Variants in SPAG9 observed in about 807,000 individuals in gnomAD.
SPAG9 encodes sperm associated antigen 9, also known as C-Jun-amino-terminal kinase-interacting protein 4.
In SPAG9, 35 loss-of-function variants were observed where a neutral mutation model predicts 166.5. The ratio of observed to expected loss-of-function variants is 0.21; its 90% CI spans 0.16 to 0.28. The LOEUF (loss-of-function observed/expected upper bound fraction) is 0.28. SPAG9 is among the 10% of genes least tolerant of loss of function. SPAG9 has a pLI of 1.00. For missense variants in SPAG9, 1,235 were observed against 1,603.3 expected (o/e 0.77, Z 3.92); for synonymous variants, 534 against 565.5 (o/e 0.94, Z 0.79).
chr17:51,090,994 T>C (rs2048448400), intron 1 of SPAG9, among the ~76,000 whole-genome samples: 1 of 152,108 alleles, frequency 6.6e-6, no homozygotes, highest in Non-Finnish European at 1.5e-5. Context: ...GCACGGTGGC[T>C]CATGCTTGTA....
chr17:51,060,507 A>T (rs1335181047), intron 2 of SPAG9, among the ~76,000 whole-genome samples: 20 of 89,728 alleles, frequency 2.2e-4, no homozygotes, highest in African/African-American at 1.5e-3. Context: ...TGTCTTTTTA[A>T]AAAAAAAAAA....
intron 5 of SPAG9, among the ~76,000 whole-genome samples, chr17:51,037,507 G>C (rs2046635219): frequency 6.6e-6 from 1 of 150,838 alleles, no homozygotes; most frequent in Admixed American, 6.6e-5. Context: ...CAGCTACTTG[G>C]AAGGCTGAGG....
At chr17:51,118,887 A>C (rs984318420) in intron 1 of SPAG9, among the ~76,000 whole-genome samples, 65 of 152,096 alleles carry the variant, frequency 4.3e-4, no homozygotes, top group Non-Finnish European at 9.3e-4. Flanking sequence ...CTGTCTCTAC[A>C]AAAAACAAAA....
intron 8 of SPAG9, among the ~76,000 whole-genome samples, chr17:51,019,716 G>A (rs1292750897): frequency 1.3e-5 from 2 of 152,108 alleles, no homozygotes; most frequent in African/African-American, 4.8e-5. Context: ...GCCAGGCGTG[G>A]TGGCACATGT....
chr17:51,075,136 C>T (rs1309877529), intron 2 of SPAG9, among the ~76,000 whole-genome samples: 1 of 127,134 alleles, frequency 7.9e-6, no homozygotes, highest in Non-Finnish European at 1.6e-5. Context: ...GCGGAGGTTG[C>T]AGTGAACCAA....
chr17:50,966,303 A>T lies in SPAG9; in HGVS notation c.3935T>A (p.Ile1312Lys). The T allele has an allele frequency of 6.2e-7, 1 of 1,613,086 alleles. No individual in the cohort carries two copies. The highest frequency in any genetic ancestry group is 8.5e-7 in the Non-Finnish European group (1 of 1,179,064). The change falls in exon 30 of 30, where the codon ATA becomes AAA. Residue 1312 changes from isoleucine (I) to lysine (K), a missense_variant. Physicochemically the swap from Ile to Lys is moderately radical, Grantham distance 102. Around this residue, in one of 6 missense-constraint regions of SPAG9, gnomAD observed 243 missense variants for 358.6 expected, o/e 0.68. Coordinates refer to ENST00000262013, the MANE Select transcript of SPAG9 (RefSeq NM_001130528.3). ...SVTKAERSHL[I>K]VWQVMYGNE ...ATTGCCATACATCACTTGCCACACT[A>T]TCAAGTGACTCCTTTCTGCTTTGGT... is the stretch of plus-strand genomic sequence containing the variant.
intron 1 of SPAG9, among the ~76,000 whole-genome samples, chr17:51,081,372 AC>A (rs1335248134): frequency 6.6e-6 from 1 of 151,958 alleles, no homozygotes; most frequent in Non-Finnish European, 1.5e-5. Context: ...AATCGCTTGA[AC>A]CCAGGAGACG....
chr17:50,980,632 C>A (rs971610305), intron 25 of SPAG9, among the ~76,000 whole-genome samples: 5 of 151,838 alleles, frequency 3.3e-5, no homozygotes, highest in Admixed American at 6.6e-5. Flanking sequence ...CTTTGGAAGG[C>A]CGAGGTGGGA....
intron 9 of SPAG9, among the ~76,000 whole-genome samples, chr17:51,008,587 T>C (rs11659100): frequency 0.24 from 36,615 of 151,992 alleles, 5,267 homozygotes; most frequent in Admixed American, 0.34. Flanking sequence ...ATTTAAAAAT[T>C]ACTTAAAACA....
At chr17:51,099,512 T>C (rs367816787) in intron 1 of SPAG9, among the ~76,000 whole-genome samples, 65 of 151,176 alleles carry the variant, frequency 4.3e-4, no homozygotes, top group African/African-American at 1.6e-3. Context: ...CATCTCAGCA[T>C]GCAAAAAGTT....
intron 1 of SPAG9, among the ~76,000 whole-genome samples, chr17:51,109,044 T>C (rs991733802): frequency 6.6e-6 from 1 of 151,664 alleles, no homozygotes; most frequent in African/African-American, 2.4e-5. Context: ...ATATTTTTAG[T>C]AGAGACAGGG....
intron 8 of SPAG9, among the ~76,000 whole-genome samples, chr17:51,019,871 A>G (rs971023753): frequency 3.3e-5 from 5 of 152,220 alleles, no homozygotes; most frequent in Non-Finnish European, 7.3e-5. Flanking sequence ...AAACAAATAA[A>G]TAAATATATA....
intron 1 of SPAG9, among the ~76,000 whole-genome samples, chr17:51,110,270 A>G (rs1366297782): frequency 6.6e-6 from 1 of 151,962 alleles, no homozygotes; most frequent in Non-Finnish European, 1.5e-5. Flanking sequence ...TACTGAATCT[A>G]TATAGTGGGT....
chr17:51,008,402 C>T (rs1597978415), intron 9 of SPAG9, among the ~76,000 whole-genome samples: 1 of 151,740 alleles, frequency 6.6e-6, no homozygotes, highest in Non-Finnish European at 1.5e-5. Context: ...AAAAAAAACC[C>T]ACCAGTCACT....
intron 1 of SPAG9, among the ~76,000 whole-genome samples, chr17:51,089,993 TA>T (rs2048421913): frequency 1.3e-5 from 2 of 151,738 alleles, no homozygotes; most frequent in African/African-American, 4.8e-5. Flanking sequence ...ACTATTTTTT[TA>T]AAAAAGAGAG....
At chr17:51,040,310 T>C (rs2046788996) in intron 5 of SPAG9, 2 of 151,150 alleles carry the variant, frequency 1.3e-5, no homozygotes, top group African/African-American at 4.9e-5. Flanking sequence ...GGGCTAATAC[T>C]GAGCACTATT....
chr17:51,031,937 G>A, intron 5 of SPAG9: 1 of 663,766 alleles, frequency 1.5e-6, no homozygotes, highest in East Asian at 2.9e-5. Context: ...GCCACCACTT[G>A]GATCAGTGTC....
At chr17:51,091,397 T>C (rs1359479235) in intron 1 of SPAG9, among the ~76,000 whole-genome samples, 1 of 152,160 alleles carries the variant, frequency 6.6e-6, no homozygotes, top group African/African-American at 2.4e-5. Flanking sequence ...TCTACTACGC[T>C]TGGCAAACCT....
intron 13 of SPAG9, among the ~76,000 whole-genome samples, chr17:51,001,301 C>T (rs2044939554): frequency 6.6e-6 from 1 of 152,148 alleles, no homozygotes; most frequent in Non-Finnish European, 1.5e-5. Flanking sequence ...GAAGGGTGTA[C>T]TTGGCATGAA....
Sources: allele counts gnomAD v4.1 joint callset (sites outside exome capture counted in the v4.1 genomes callset), GRCh38; gene constraint gnomAD v4.1.1; regional missense constraint gnomAD v4.1.1; transcripts MANE v1.5; gene names NCBI Gene and HGNC (gene_info 2026-07-23, HGNC 2026-07-21).